DOCK9: variants seen among roughly 807,000 people sequenced by gnomAD.
The protein encoded by DOCK9 is dedicator of cytokinesis protein 9.
DOCK9 carries 89 observed loss-of-function variants against 263.3 expected under a neutral mutation model. The ratio of observed to expected loss-of-function variants is 0.34; its 90% CI spans 0.28 to 0.40. The LOEUF (loss-of-function observed/expected upper bound fraction) is 0.40. Ranked by LOEUF, DOCK9 falls within the 10% of genes least tolerant of loss-of-function variation. The pLI, the probability that DOCK9 is intolerant of heterozygous loss-of-function variation, is 1.00. For synonymous variants in DOCK9, 976 were observed against 973.1 expected, an observed-to-expected ratio of 1.00 and a Z score of -0.06; for missense variants, 2,140 against 2,603.4, an observed-to-expected ratio of 0.82 and a Z score of 3.87.
chr13:99,040,043 T>G (rs1353642483), intron 1 of DOCK9, among the ~76,000 whole-genome samples: 7 of 152,216 alleles, frequency 4.6e-5, no homozygotes, highest in Non-Finnish European at 1.0e-4. Flanking sequence ...AACTCATATG[T>G]TGAAATCTAA....
At chr13:98,890,542 G>A (rs2046464653) in intron 15 of DOCK9, among the ~76,000 whole-genome samples, 3 of 152,284 alleles carry the variant, frequency 2.0e-5, no homozygotes, top group South Asian at 4.1e-4. Context: ...ACACAATGCC[G>A]CCTCACAGTC....
At position 98,883,860 on chromosome 13, in the gene DOCK9, G is replaced by A. The variant is rs1210953560; in HGVS notation, c.2422C>T (p.Pro808Ser). The change falls in exon 22 of 53, where the codon CCA becomes TCA. Residue 808 changes from proline (P) to serine (S), a missense_variant. By Grantham distance (74) the Pro-to-Ser change is moderately conservative. Coordinates refer to ENST00000682017, the MANE Select transcript of DOCK9 (RefSeq NM_001366683.2). ...AGATGAGTGGAAATTTTCAGCAGTGGCTTGCCTCCATCTACCCATTTAATT... is the reference window on the plus strand; with the variant it reads ...AGATGAGTGGAAATTTTCAGCAGTGACTTGCCTCCATCTACCCATTTAATT... ...PEIKWVDGGK[P>S]LLKISTHLVS... 3.1e-6 allele frequency: 5 copies of A among 1,612,476 alleles called. No individual in the cohort carries two copies. The Admixed American group carries it at 6.7e-5, about 22-fold the overall frequency.
Position 98,868,214 on chromosome 13 carries a change from T to C in DOCK9, c.3090+17A>G, listed in dbSNP as rs1456015598. Reference sequence around the variant, plus strand: ...CTTTGTCCCATAACTGATATCCTCTTCCCTGGAGGTCCCCACCTTGATGAA... The same window carrying C: ...CTTTGTCCCATAACTGATATCCTCTCCCCTGGAGGTCCCCACCTTGATGAA... On this transcript the variant is annotated intron_variant, in intron 28 of 52. Coordinates refer to ENST00000682017, the MANE Select transcript of DOCK9 (RefSeq NM_001366683.2). 18 of 1,613,300 alleles carry C rather than the reference T, an allele frequency of 1.1e-5. No homozygotes were observed. Among genetic ancestry groups the C allele is most frequent in the Middle Eastern group, 1.6e-4 (1 of 6,084 alleles).
intron 47 of DOCK9, chr13:98,809,003 A>G: frequency 7.8e-7 from 1 of 1,278,962 alleles, no homozygotes; most frequent in South Asian, 1.6e-5. Context: ...ATAAAATGTT[A>G]ATTTTTTTGG....
At chr13:98,971,567 G>A (rs368848729) in intron 1 of DOCK9, among the ~76,000 whole-genome samples, 1 of 142,086 alleles carries the variant, frequency 7.0e-6, no homozygotes, top group African/African-American at 2.7e-5. Context: ...AACTAGCCGG[G>A]TGTTGTGGTG....
chr13:99,086,183 C>G, intron 1 of DOCK9: 1 of 1,461,986 alleles, frequency 6.8e-7, no homozygotes, highest in Non-Finnish European at 9.0e-7. Context: ...TGCCTGCGCC[C>G]CCGCCATCCT....
intron 13 of DOCK9, 150 bp from the exon 14 acceptor site, chr13:98,898,411 G>A: frequency 3.2e-6 from 2 of 629,270 alleles, no homozygotes; most frequent in Non-Finnish European, 5.7e-6. Flanking sequence ...AATATGGCTG[G>A]ATTCACACTC....
rs1384129173 is a variant in DOCK9, at chr13:98,829,009, T to C, written c.4965+298A>G. On this transcript the variant is annotated intron_variant, in intron 43 of 52. Coordinates refer to ENST00000682017, the MANE Select transcript of DOCK9 (RefSeq NM_001366683.2). The surrounding 1 kb of genome is among the most constrained non-coding windows in gnomAD (Gnocchi z 4.1). ...TCATTTGATCATAAAATAGCTGAATTTTAGAACTACAGAGGAATTTTGATG... is the reference window on the plus strand; with the variant it reads ...TCATTTGATCATAAAATAGCTGAATCTTAGAACTACAGAGGAATTTTGATG... 2.0e-5 allele frequency among the ~76,000 whole-genome samples: 3 copies of C among 152,142 alleles called. No homozygotes were observed. Among genetic ancestry groups the C allele is most frequent in the Non-Finnish European group, 4.4e-5 (3 of 68,024 alleles).
At chr13:98,914,647 A>G (rs2139876482) in intron 8 of DOCK9, among the ~76,000 whole-genome samples, 1 of 152,320 alleles carries the variant, frequency 6.6e-6, no homozygotes, top group Non-Finnish European at 1.5e-5. Context: ...GCTATGAACA[A>G]CAGCCCACAT....
chr13:98,914,480 G>C (rs529229134), intron 8 of DOCK9, 85 bp from the exon 9 acceptor site: 2 of 1,205,710 alleles, frequency 1.7e-6, no homozygotes, highest in Non-Finnish European at 2.4e-6. Flanking sequence ...GTTTCTCTTA[G>C]GTGCCTTCAA....
chr13:99,050,865 T>C (rs888483562), intron 1 of DOCK9, among the ~76,000 whole-genome samples: 2 of 152,318 alleles, frequency 1.3e-5, no homozygotes, highest in African/African-American at 4.8e-5. Flanking sequence ...CCCCAGGTGT[T>C]GGTAACCCTT....
intron 13 of DOCK9, 23 bp downstream of exon 13, chr13:98,901,755 C>T (rs762440998): frequency 1.3e-5 from 21 of 1,608,178 alleles, no homozygotes; most frequent in Middle Eastern, 1.6e-4. Flanking sequence ...TTTACCACCC[C>T]AAAGCGTAAA....
At chr13:98,831,245 A>G in intron 41 of DOCK9, 103 bp downstream of exon 41, 1 of 1,288,652 alleles carries the variant, frequency 7.8e-7, no homozygotes, top group South Asian at 1.6e-5. Flanking sequence ...ATCTTGCAGT[A>G]TCTTTATGAC....
chr13:99,041,902 A>AGG (rs1473334160), intron 1 of DOCK9, among the ~76,000 whole-genome samples: 2 of 152,214 alleles, frequency 1.3e-5, no homozygotes, highest in Admixed American at 6.5e-5. Flanking sequence ...AATCTGGAGG[A>AGG]GGCAAAGAAA....
chr13:98,983,847 C>T (rs1201056400), intron 1 of DOCK9, among the ~76,000 whole-genome samples: 1 of 152,088 alleles, frequency 6.6e-6, no homozygotes, highest in African/African-American at 2.4e-5. Flanking sequence ...GAACTCCTGA[C>T]CTCAGGTGAT....
At chr13:98,932,411 C>T (rs1482519138) in intron 2 of DOCK9, among the ~76,000 whole-genome samples, 1 of 132,074 alleles carries the variant, frequency 7.6e-6, no homozygotes, top group East Asian at 2.1e-4. Flanking sequence ...CAACAACAAA[C>T]AAACAAACAA....
At chr13:99,082,552 TAAATAAATAAATAAAA>T (rs371069822) in intron 1 of DOCK9, among the ~76,000 whole-genome samples, 19,535 of 128,826 alleles carry the variant, frequency 0.15, 1,800 homozygotes, top group African/African-American at 0.3. Flanking sequence ...AATAAATAAA[TAAATAAATAAATAAAA>T]AAAAACAGCT....
intron 9 of DOCK9, among the ~76,000 whole-genome samples, chr13:98,908,647 T>G (rs2049497825): frequency 6.6e-6 from 1 of 152,188 alleles, no homozygotes; most frequent in African/African-American, 2.4e-5. Flanking sequence ...ATCATGAACA[T>G]ATTTTTATTA....
chr13:98,879,863 C>A, intron 27 of DOCK9, 35 bp downstream of exon 27: 2 of 1,553,622 alleles, frequency 1.3e-6, no homozygotes, highest in South Asian at 1.2e-5. Flanking sequence ...TTTCTTTTCC[C>A]CTAAGAACAC....
Sources: gnomAD v4.1 joint callset for allele counts (sites outside exome capture counted in the v4.1 genomes callset) on GRCh38, gnomAD v4.1.1 for gene constraint, Gnocchi (gnomAD v3.1) non-coding constraint, MANE v1.5 for transcripts, NCBI Gene and HGNC (gene_info 2026-07-23, HGNC 2026-07-21) for gene names.